The following OR6B1 variants were observed in gnomAD, a reference collection of about 807,000 sequenced individuals.
OR6B1 encodes olfactory receptor family 6 subfamily B member 1.
Under a neutral mutation model 15.4 loss-of-function variants are expected in OR6B1, and 15 were observed. The observed-to-expected ratio is 0.97, with a 90% CI of 0.65 to 1.50. The LOEUF is 1.50. Ranked by LOEUF, OR6B1 falls within the 40% of genes most tolerant of loss-of-function variation. The pLI is 0.00. For missense variants in OR6B1, 384 were observed against 385.0 expected, an observed-to-expected ratio of 1.00 and a Z score of 0.02; for synonymous variants, 139 against 144.9, an observed-to-expected ratio of 0.96 and a Z score of 0.29.
rs539272315 is a variant in OR6B1 at position 144,007,299 on chromosome 7, A to G, written c.*2367A>G. 2.0e-5 allele frequency: 3 copies of G among 152,302 alleles called. No individual in the cohort carries two copies. Among genetic ancestry groups the G allele is most frequent in the East Asian group, 3.9e-4 (2 of 5,182 alleles). The allele number at this position is 152,302 out of a possible 1,614,324, so 9.4% of individuals were successfully genotyped here. A position where few individuals can be genotyped will look rare whatever the true frequency, so the allele number is the denominator to read the frequency against. On this transcript the variant is annotated 3_prime_UTR_variant, in exon 2 of 2. Transcript: ENST00000641698. ...TCTGCCTCAACAGAGAAAATAATGT[A>G]TAGTGGATTACTGGTTAAATTCACA...
At chr7:144,001,811 G>C (rs2050586157) in intron 1 of OR6B1, among the ~76,000 whole-genome samples, 1 of 152,082 alleles carries the variant, frequency 6.6e-6, no homozygotes, top group South Asian at 2.1e-4. Flanking sequence ...CCGTGCCTTT[G>C]TTCACTCTGA....
intron 1 of OR6B1, among the ~76,000 whole-genome samples, chr7:144,003,249 TA>T (rs1291593116): frequency 2.0e-5 from 3 of 152,216 alleles, no homozygotes; most frequent in Non-Finnish European, 2.9e-5. Context: ...GCCATTAGTT[TA>T]TATAAAATTT....
In OR6B1 at chr7:144,007,055, T is replaced by C. The variant is rs751924896; in HGVS notation, c.*2123T>C. On this transcript the variant is annotated 3_prime_UTR_variant, in exon 2 of 2. Transcript: ENST00000641698. Reference sequence around the variant, plus strand: ...TAGTTGACTCCACATACTATAGTTATAGTTAACCTGGGAGGCTACAACTAT... The same window carrying C: ...TAGTTGACTCCACATACTATAGTTACAGTTAACCTGGGAGGCTACAACTAT... 3.3e-5 allele frequency: 5 copies of C among 152,244 alleles called. No individual in the cohort carries two copies. The highest frequency in any genetic ancestry group is 2.1e-4 in the South Asian group (1 of 4,832). The allele number at this position is 152,244 out of a possible 1,614,324, so 9.4% of individuals were successfully genotyped here. A position where few individuals can be genotyped will look rare whatever the true frequency, so the allele number is the denominator to read the frequency against.
In OR6B1 at chr7:144,007,631, ACTTGTTAC is replaced by A. The variant is rs1246820398; in HGVS notation, c.*2703_*2710del. ...AGGGATACAATAGCAAAATATTAAA[ACTTGTTAC>A]CTTTGTGAGCAGAAACAGATAGCAG... On this transcript the variant is annotated 3_prime_UTR_variant, in exon 2 of 2. Transcript: ENST00000641698. 6.6e-6 allele frequency: 1 copy of A among 151,920 alleles called. No individual in the cohort carries two copies. Among genetic ancestry groups the A allele is most frequent in the African/African-American group, 2.4e-5 (1 of 41,372 alleles). The allele number at this position is 151,920 out of a possible 1,614,324, so 9.4% of individuals were successfully genotyped here.
At chr7:144,002,389 G>C (rs1239804125) in intron 1 of OR6B1, among the ~76,000 whole-genome samples, 1 of 152,168 alleles carries the variant, frequency 6.6e-6, no homozygotes, top group Non-Finnish European at 1.5e-5. Context: ...TAGTAAGATA[G>C]TTAGTAAATG....
chr7:144,001,376 T>C (rs762944691), intron 1 of OR6B1, among the ~76,000 whole-genome samples: 2 of 152,348 alleles, frequency 1.3e-5, no homozygotes, highest in South Asian at 2.1e-4. Context: ...TGAAAACTTA[T>C]GTAACTTGTG....
chr7:144,004,824 T>C lies in OR6B1; in HGVS notation c.828T>C (p.Tyr276=), dbSNP rs1456026493. The change falls in exon 2 of 2, where the codon TAT becomes TAC. Residue 276 remains tyrosine, a synonymous_variant. Coordinates refer to ENST00000641698, the MANE Select transcript of OR6B1 (RefSeq NM_001005281.3). ...TGAACAAAATTATTTCCATCTTCTA[T>C]GCCATTGTCACTCCTTCTCTCAACC... ...FNMNKIISIF[Y]AIVTPSLNPF... 1.2e-6 allele frequency: 2 copies of C among 1,613,864 alleles called. No homozygotes were observed. Among genetic ancestry groups the C allele is most frequent in the African/African-American group, 1.3e-5 (1 of 75,066 alleles).
Position 144,004,105 on chromosome 7 carries a change from C to A in OR6B1, c.109C>A (p.Leu37Met). Residue 37 changes from leucine to methionine, a missense_variant, in exon 2 of 2, where the codon CTG becomes ATG. Leu to Met is a conservative substitution (Grantham distance 15). Transcript: ENST00000641698. ...TCTGATATTCCTTGTGGCCTATATT[C>A]TGACAGTGGCTGAAAACGTGATCAT... ...MFLIFLVAYI[L>M]TVAENVIIIL... 6.2e-7 allele frequency: 1 copy of A among 1,614,094 alleles called. No homozygotes were observed. Among genetic ancestry groups the A allele is most frequent in the Non-Finnish European group, 8.5e-7 (1 of 1,180,010 alleles).
At chr7:144,002,633 G>C (rs1209027181) in intron 1 of OR6B1, among the ~76,000 whole-genome samples, 1 of 152,210 alleles carries the variant, frequency 6.6e-6, no homozygotes. Flanking sequence ...CACAGCTCAT[G>C]CTCTTGCCTC....
intron 1 of OR6B1, among the ~76,000 whole-genome samples, chr7:144,001,648 GCCTCACTATT>G (rs1191689750): frequency 6.6e-6 from 1 of 152,118 alleles, no homozygotes; most frequent in Non-Finnish European, 1.5e-5. Context: ...ATTCTTAAAT[GCCTCACTATT>G]CCATGATCTG....
intron 1 of OR6B1, 30 bp from the exon 2 acceptor site, chr7:144,003,942 G>A: frequency 8.5e-7 from 1 of 1,183,190 alleles, no homozygotes; most frequent in South Asian, 1.5e-5. Context: ...CTGGGCCATG[G>A]AGTCTGATCA....
Position 144,004,393 on chromosome 7 carries a change from C to T in OR6B1, c.397C>T (p.Pro133Ser), listed in dbSNP as rs1266321830. The T allele has an allele frequency of 1.2e-6, 2 of 1,614,218 alleles. No individual in the cohort carries two copies. The highest frequency in any genetic ancestry group is 1.7e-6 in the Non-Finnish European group (2 of 1,180,028). The change falls in exon 2 of 2, where the codon CCA becomes TCA. Residue 133 changes from proline to serine, a missense_variant. Coordinates refer to ENST00000641698, the MANE Select transcript of OR6B1 (RefSeq NM_001005281.3). ...GGCCATCTGTCGCCCACTCCACTAC[C>T]CAACCATAATGAGCCATGGGCTCTG... Reference protein sequence around the residue: ...YVAICRPLHYPTIMSHGLCFR... With the variant: ...YVAICRPLHYSTIMSHGLCFR...
chr7:144,002,949 C>T (rs1027860416), intron 1 of OR6B1, among the ~76,000 whole-genome samples: 12 of 152,142 alleles, frequency 7.9e-5, no homozygotes, highest in African/African-American at 2.9e-4. Context: ...CCTCAAAGGT[C>T]AGAGGGACCT....
chr7:144,006,652 A>C lies in OR6B1; in HGVS notation c.*1720A>C, dbSNP rs149908763. On this transcript the variant is annotated 3_prime_UTR_variant, in exon 2 of 2. Coordinates refer to ENST00000641698, the MANE Select transcript of OR6B1 (RefSeq NM_001005281.3). ...CAAATGAATCAAAATATAATTGCAT[A>C]GTCATATAGGGATATTAAATGTGTG... 6.6e-6 allele frequency: 1 copy of C among 152,236 alleles called. No individual in the cohort carries two copies. The highest frequency in any genetic ancestry group is 6.5e-5 in the Admixed American group (1 of 15,280). 9.4% of individuals were successfully genotyped at this position (152,236 alleles called of 1,614,324 possible).
chr7:144,006,636 C>G lies in OR6B1; in HGVS notation c.*1704C>G, dbSNP rs1241972180. On this transcript the variant is annotated 3_prime_UTR_variant, in exon 2 of 2. Transcript: ENST00000641698. ...TATTTTCTGAAAACTTCAAATGAAT[C>G]AAAATATAATTGCATAGTCATATAG... The G allele has an allele frequency of 6.6e-6, 1 of 151,940 alleles. No individual in the cohort carries two copies. Among genetic ancestry groups the G allele is most frequent in the African/African-American group, 2.4e-5 (1 of 41,356 alleles). The allele number at this position is 151,940 out of a possible 1,614,324, so 9.4% of individuals were successfully genotyped here.
intron 1 of OR6B1, among the ~76,000 whole-genome samples, chr7:144,002,080 G>A (rs142784741): frequency 3.2e-4 from 49 of 152,228 alleles, no homozygotes; most frequent in African/African-American, 1.1e-3. Flanking sequence ...AAAATACATT[G>A]GTAAGTCCAA....
Position 144,005,986 on chromosome 7 carries a change from T to A in OR6B1, c.*1054T>A, listed in dbSNP as rs1287964542. 1 of 152,252 alleles carries A rather than the reference T, an allele frequency of 6.6e-6. No homozygotes were observed. Among genetic ancestry groups the A allele is most frequent in the Non-Finnish European group, 1.5e-5 (1 of 68,050 alleles). The allele number at this position is 152,252 out of a possible 1,614,324, so 9.4% of individuals were successfully genotyped here. Reference sequence around the variant, plus strand: ...AAGGGAGATATATTTTTAAGCTGTATTCAACATAGTGGGCCAACATCAGTG... The same window carrying A: ...AAGGGAGATATATTTTTAAGCTGTAATCAACATAGTGGGCCAACATCAGTG... On this transcript the variant is annotated 3_prime_UTR_variant, in exon 2 of 2. Coordinates refer to ENST00000641698, the MANE Select transcript of OR6B1 (RefSeq NM_001005281.3).
intron 1 of OR6B1, 95 bp from the exon 2 acceptor site, chr7:144,003,877 G>A: frequency 1.5e-6 from 1 of 675,304 alleles, no homozygotes; most frequent in Non-Finnish European, 2.5e-6. Context: ...CCTGTAATAT[G>A]TATTAATAAA....
rs989226461 is a variant in OR6B1, at chr7:144,003,456, C to T, written c.-25-516C>T. ...CTGAAAAGCCCAAATCTCTGCTACT[C>T]ACTTTCTCATGTACCTCATAGGTGA... On this transcript the variant is annotated intron_variant, in intron 1 of 1. Transcript: ENST00000641698. 2.6e-5 allele frequency among the ~76,000 whole-genome samples: 4 copies of T among 152,180 alleles called. No homozygotes were observed. In the East Asian group the frequency reaches 7.7e-4, roughly 29 times the overall value.
Sources: allele counts gnomAD v4.1 joint callset (sites outside exome capture counted in the v4.1 genomes callset), GRCh38; gene constraint gnomAD v4.1.1; transcripts MANE v1.5; gene names NCBI Gene and HGNC (gene_info 2026-07-23, HGNC 2026-07-21).